The following NR6A1 variants were observed in gnomAD, a reference collection of about 807,000 sequenced individuals.
The protein encoded by NR6A1 is retinoic acid receptor-related testis-associated receptor.
NR6A1 carries 7 observed loss-of-function variants against 59.1 expected under a neutral mutation model. The ratio of observed to expected loss-of-function variants is 0.12; its 90% CI spans 0.07 to 0.22. The LOEUF is 0.22. NR6A1 is among the 10% of genes least tolerant of loss of function. The probability of loss-of-function intolerance (pLI) is 1.00; values close to 1 mark genes in which losing one functional copy is unlikely to be tolerated. For missense variants in NR6A1, 468 were observed against 611.6 expected (o/e 0.77, Z 2.48); for synonymous variants, 243 against 236.1 (o/e 1.03, Z -0.27).
intron 2 of NR6A1, among the ~76,000 whole-genome samples, chr9:124,699,895 C>A (rs903178288): frequency 6.6e-6 from 1 of 152,184 alleles, no homozygotes; most frequent in Admixed American, 6.5e-5. Context: ...TTCCAGTCTT[C>A]GCCCAGACTG....
intron 2 of NR6A1, among the ~76,000 whole-genome samples, chr9:124,707,457 T>C (rs1377195434): frequency 6.6e-6 from 1 of 152,174 alleles, no homozygotes; most frequent in Non-Finnish European, 1.5e-5. Flanking sequence ...AATAGTTGCA[T>C]TGAAGTCTTA....
At chr9:124,628,802 G>A (rs1009398486) in intron 2 of NR6A1, among the ~76,000 whole-genome samples, 3 of 152,010 alleles carry the variant, frequency 2.0e-5, no homozygotes, top group Admixed American at 6.6e-5. Flanking sequence ...CACCACGCCC[G>A]GCTAATTTTT....
intron 2 of NR6A1, among the ~76,000 whole-genome samples, chr9:124,694,824 A>G (rs990937065): frequency 2.6e-5 from 4 of 152,200 alleles, no homozygotes; most frequent in African/African-American, 9.7e-5. Context: ...TCAAATTAGG[A>G]AGGAGAAGTG....
chr9:124,732,495 C>A (rs1383073617), intron 2 of NR6A1, among the ~76,000 whole-genome samples: 1 of 152,184 alleles, frequency 6.6e-6, no homozygotes, highest in African/African-American at 2.4e-5. Context: ...TGAAAAGCAT[C>A]ATTTAATTAG....
At chr9:124,728,507 C>T (rs914116653) in intron 2 of NR6A1, among the ~76,000 whole-genome samples, 5 of 151,840 alleles carry the variant, frequency 3.3e-5, no homozygotes, top group African/African-American at 7.2e-5. Context: ...CAGTGGCAGG[C>T]GCCTGTAATC....
chr9:124,698,160 G>C (rs1327056238), intron 2 of NR6A1: 1 of 152,062 alleles, frequency 6.6e-6, no homozygotes, highest in African/African-American at 2.4e-5. Flanking sequence ...GATCTTCCAA[G>C]TATTTACCAA....
At chr9:124,635,868 CTT>C (rs1564211593) in intron 2 of NR6A1, among the ~76,000 whole-genome samples, 1 of 152,158 alleles carries the variant, frequency 6.6e-6, no homozygotes, top group Non-Finnish European at 1.5e-5. Context: ...TTTCAATTAA[CTT>C]GGGTTAATCA....
At chr9:124,655,634 T>C (rs1262312224) in intron 2 of NR6A1, among the ~76,000 whole-genome samples, 1 of 152,150 alleles carries the variant, frequency 6.6e-6, no homozygotes, top group African/African-American at 2.4e-5. Flanking sequence ...ATCTTAAGTA[T>C]AACAGAATTA....
chr9:124,697,410 T>C (rs1838800291), intron 2 of NR6A1, among the ~76,000 whole-genome samples: 1 of 151,684 alleles, frequency 6.6e-6, no homozygotes. Flanking sequence ...TAAGGTACTA[T>C]GAGAGCAAAT....
intron 2 of NR6A1, among the ~76,000 whole-genome samples, chr9:124,695,378 C>T (rs1838716278): frequency 6.6e-6 from 1 of 152,030 alleles, no homozygotes; most frequent in Non-Finnish European, 1.5e-5. Flanking sequence ...GTTTTTCTTT[C>T]GTTTGTTTGT....
chr9:124,548,214 G>C (rs1176055497), intron 3 of NR6A1, among the ~76,000 whole-genome samples: 5 of 152,196 alleles, frequency 3.3e-5, no homozygotes, highest in Admixed American at 2.6e-4. Context: ...AACAATTGGT[G>C]AATTTAGGTA....
intron 3 of NR6A1, among the ~76,000 whole-genome samples, chr9:124,550,198 G>A (rs1020896023): frequency 1.3e-4 from 19 of 151,952 alleles, no homozygotes; most frequent in African/African-American, 4.1e-4. Flanking sequence ...TTGATCACTT[G>A]GCTAAAGTTA....
intron 1 of NR6A1, among the ~76,000 whole-genome samples, chr9:124,740,649 GA>G (rs1175823364): frequency 1.3e-5 from 2 of 152,136 alleles, no homozygotes; most frequent in African/African-American, 4.8e-5. Flanking sequence ...AGGTTTCAGA[GA>G]AGTCTGTTTT....
chr9:124,626,137 C>A (rs1836235328), intron 2 of NR6A1, among the ~76,000 whole-genome samples: 1 of 152,250 alleles, frequency 6.6e-6, no homozygotes, highest in Non-Finnish European at 1.5e-5. Context: ...TTCCGAGCAG[C>A]TGGGACTACA....
chr9:124,587,872 C>G (rs1834980877), intron 2 of NR6A1, among the ~76,000 whole-genome samples: 2 of 152,262 alleles, frequency 1.3e-5, no homozygotes. Context: ...ATCAATAATT[C>G]CCCCCTCCCT....
intron 2 of NR6A1, among the ~76,000 whole-genome samples, chr9:124,712,487 A>G (rs1333924917): frequency 1.3e-5 from 2 of 152,048 alleles, no homozygotes; most frequent in Non-Finnish European, 2.9e-5. Context: ...ACACGCCTGT[A>G]GTCCCAGCTA....
rs374964515 is a variant in NR6A1 at position 124,647,841 on chromosome 9, A to G, written c.142+85467T>C. Among the ~76,000 whole-genome samples, 176 of 152,278 alleles carry G rather than the reference A, an allele frequency of 1.2e-3. 2 individuals carry two copies. The highest frequency in any genetic ancestry group is 3.8e-3 in the African/African-American group (156 of 41,564). On this transcript the variant is annotated intron_variant, in intron 2 of 9. Transcript: ENST00000487099. ...AATAAAAAGTTTCCCATCAAAGAAA[A>G]GCCCAGGACATGATGGTTTTGCTGC...
At chr9:124,759,092 C>G (rs541830841) in intron 1 of NR6A1, among the ~76,000 whole-genome samples, 1 of 152,322 alleles carries the variant, frequency 6.6e-6, no homozygotes, top group African/African-American at 2.4e-5. Context: ...AACTACTTTG[C>G]TAACATAATC....
chr9:124,579,885 C>T (rs183268181), intron 2 of NR6A1, among the ~76,000 whole-genome samples: 103 of 152,218 alleles, frequency 6.8e-4, no homozygotes, highest in Non-Finnish European at 1.2e-3. Context: ...TGGCGCGTGC[C>T]TGTAATCCAA....
Sources: allele counts gnomAD v4.1 joint callset (sites outside exome capture counted in the v4.1 genomes callset), GRCh38; gene constraint gnomAD v4.1.1; transcripts MANE v1.5; gene names NCBI Gene and HGNC (gene_info 2026-07-23, HGNC 2026-07-21).